The following HTR2C variants were observed in gnomAD, a reference collection of about 807,000 sequenced individuals.
HTR2C encodes 5-hydroxytryptamine receptor 2C, also known as 5-hydroxytryptamine (serotonin) receptor 2C, G protein-coupled.
HTR2C carries 5 observed loss-of-function variants against 21.0 expected under a neutral mutation model. That is an observed-to-expected ratio of 0.24 (90% CI 0.12 to 0.50). HTR2C has a LOEUF of 0.50. Ranked by LOEUF, HTR2C falls within the 20% of genes least tolerant of loss-of-function variation. The pLI, the probability that HTR2C is intolerant of heterozygous loss-of-function variation, is 0.98. For missense variants in HTR2C, 271 were observed against 371.2 expected (o/e 0.73, Z 2.22); for synonymous variants, 150 against 145.3 (o/e 1.03, Z -0.23).
intron 5 of HTR2C, among the ~76,000 whole-genome samples, chrX:114,872,882 A>G (rs1476830221): frequency 1.8e-5 from 2 of 111,521 alleles, no homozygotes; most frequent in Non-Finnish European, 3.8e-5. Context: ...ATCACTGTGG[A>G]ACTGTGTACT....
intron 1 of HTR2C, among the ~76,000 whole-genome samples, chrX:114,601,969 A>T (rs372994647): frequency 9.5e-3 from 691 of 72,533 alleles, no homozygotes; most frequent in South Asian, 0.027. Flanking sequence ...ATGATTGGTG[A>T]TGGCCTGGAT....
intron 4 of HTR2C, among the ~76,000 whole-genome samples, chrX:114,792,147 A>C (rs1278679178): frequency 4.5e-5 from 5 of 111,670 alleles, no homozygotes; most frequent in African/African-American, 1.6e-4. Flanking sequence ...TTCTGGATAC[A>C]TGTGCAGAAC....
intron 4 of HTR2C, among the ~76,000 whole-genome samples, chrX:114,765,721 G>T (rs6643897): frequency 0.12 from 13,171 of 111,278 alleles, 723 homozygotes; most frequent in South Asian, 0.31. Context: ...ATTTCTCCAA[G>T]CCCTACCATA....
At chrX:114,838,533 A>C (rs1396624899) in intron 4 of HTR2C, among the ~76,000 whole-genome samples, 1 of 112,381 alleles carries the variant, frequency 8.9e-6, no homozygotes, top group African/African-American at 3.2e-5. Flanking sequence ...AATGTCTTGT[A>C]TTCAGTCTTT....
At chrX:114,718,750 T>C (rs1469576707) in intron 2 of HTR2C, among the ~76,000 whole-genome samples, 5 of 109,249 alleles carry the variant, frequency 4.6e-5, no homozygotes, top group African/African-American at 1.7e-4. Flanking sequence ...ATCTTATTTC[T>C]ATGATTTAAT....
chrX:114,673,709 A>C (rs1314851583), intron 2 of HTR2C, among the ~76,000 whole-genome samples: 1 of 111,405 alleles, frequency 9.0e-6, no homozygotes, highest in African/African-American at 3.3e-5. Context: ...CAGTAGTTAT[A>C]TATGGGGGTT....
chrX:114,818,262 GTT>G (rs1286141974), intron 4 of HTR2C, among the ~76,000 whole-genome samples: 1 of 111,360 alleles, frequency 9.0e-6, no homozygotes, highest in African/African-American at 3.3e-5. Context: ...AGTTTGTTGT[GTT>G]TATTTGATTA....
rs1393147458 is a variant in HTR2C, at chrX:114,726,100, G to A, written c.-79-758G>A. ...TAAGCAAGCCTGGGCAATGGCGGGC[G>A]CCCCTCCCCCAGCCTCACTGCCACC... On this transcript the variant is annotated intron_variant, in intron 2 of 5. Transcript: ENST00000276198. 2.5e-3 allele frequency among the ~76,000 whole-genome samples: 279 copies of A among 112,163 alleles called. 1 individual carries two copies. Among genetic ancestry groups the A allele is most frequent in the Middle Eastern group, 4.6e-3 (1 of 218 alleles).
At chrX:114,604,994 T>A (rs1556396321) in intron 1 of HTR2C, among the ~76,000 whole-genome samples, 1 of 111,413 alleles carries the variant, frequency 9.0e-6, no homozygotes, top group Non-Finnish European at 1.9e-5. Context: ...CAGGAGCAGA[T>A]TGGGTAATAA....
intron 5 of HTR2C, among the ~76,000 whole-genome samples, chrX:114,870,619 G>T (rs1224865718): frequency 2.7e-5 from 3 of 110,717 alleles, no homozygotes; most frequent in African/African-American, 9.9e-5. Flanking sequence ...GGTTTGTTCA[G>T]GTTTTGGATT....
intron 4 of HTR2C, among the ~76,000 whole-genome samples, chrX:114,835,505 T>G (rs2070773063): frequency 9.1e-6 from 1 of 109,935 alleles, no homozygotes; most frequent in Non-Finnish European, 1.9e-5. Flanking sequence ...CATCGGCTCC[T>G]GAGGCTTCTG....
At chrX:114,605,222 G>A in intron 1 of HTR2C, among the ~76,000 whole-genome samples, 1 of 112,549 alleles carries the variant, frequency 8.9e-6, no homozygotes, top group South Asian at 3.6e-4. Flanking sequence ...TTGCTGGGCA[G>A]GAGGGGGAGG....
chrX:114,741,613 T>TA (rs781999515), intron 4 of HTR2C, among the ~76,000 whole-genome samples: 2,514 of 70,289 alleles, frequency 0.036, 70 homozygotes, highest in African/African-American at 0.082. Flanking sequence ...ATGGAAACAT[T>TA]AAAAAAAAAA....
intron 2 of HTR2C, among the ~76,000 whole-genome samples, chrX:114,646,883 A>C (rs1165356653): frequency 8.9e-6 from 1 of 111,902 alleles, no homozygotes; most frequent in East Asian, 2.8e-4. Context: ...ATTAATTCGC[A>C]TTTCTCTGGT....
At chrX:114,670,130 C>T (rs1300114807) in intron 2 of HTR2C, among the ~76,000 whole-genome samples, 2 of 111,353 alleles carry the variant, frequency 1.8e-5, no homozygotes, top group Non-Finnish European at 3.8e-5. Flanking sequence ...CAGTGGCTCA[C>T]GCCTGTAATC....
chrX:114,839,390 A>G (rs2070814525), intron 4 of HTR2C, among the ~76,000 whole-genome samples: 1 of 112,307 alleles, frequency 8.9e-6, no homozygotes, highest in African/African-American at 3.2e-5. Flanking sequence ...CAATAAAAAA[A>G]TCTTTAGTTT....
chrX:114,853,459 A>G lies in HTR2C; in HGVS notation c.550+5256A>G, dbSNP rs782664840. Among the ~76,000 whole-genome samples, 3 of 111,664 alleles carry G rather than the reference A, an allele frequency of 2.7e-5. No homozygotes were observed. The South Asian group carries it at 1.1e-3, about 41-fold the overall frequency. ...TCCCCTAACTCAGGTTGGACAATAA[A>G]TCACACATATTTTTCTCATTTTTAC... On this transcript the variant is annotated intron_variant, in intron 5 of 5. Coordinates refer to ENST00000276198, the MANE Select transcript of HTR2C (RefSeq NM_000868.4).
Position 114,805,821 on chromosome X carries a change from T to C in HTR2C, c.350-42182T>C, listed in dbSNP as rs868922561. 2.8e-3 allele frequency among the ~76,000 whole-genome samples: 254 copies of C among 91,540 alleles called. 1 individual carries two copies. Among genetic ancestry groups the C allele is most frequent in the African/African-American group, 0.012 (247 of 20,847 alleles). 79.5% of individuals were successfully genotyped at this position (91,540 alleles called of 115,157 possible). The stretch of plus-strand genomic sequence containing the variant: ...ATACCATGTATATACACCATATATA[T>C]ACCATATATATACCATATATACCAT... On this transcript the variant is annotated intron_variant, in intron 4 of 5. Transcript: ENST00000276198.
intron 5 of HTR2C, among the ~76,000 whole-genome samples, chrX:114,906,367 A>G (rs1556486625): frequency 9.0e-6 from 1 of 111,634 alleles, no homozygotes; most frequent in Non-Finnish European, 1.9e-5. Context: ...CATGCCTTCT[A>G]CAGAATTTAG....
Sources: allele counts gnomAD v4.1 joint callset (sites outside exome capture counted in the v4.1 genomes callset), GRCh38; gene constraint gnomAD v4.1.1; transcripts MANE v1.5; gene names NCBI Gene and HGNC (gene_info 2026-07-23, HGNC 2026-07-21).